Variants in AK8 observed in about 807,000 individuals in gnomAD.
AK8 encodes the protein adenylate kinase 8.
In AK8, 44 loss-of-function variants were observed where a neutral mutation model predicts 54.6. The observed-to-expected ratio is 0.81, with a 90% CI of 0.63 to 1.04. The LOEUF (loss-of-function observed/expected upper bound fraction) is 1.04, where lower values mean the gene tolerates loss of function less well. AK8 is among the 50% of genes least tolerant of loss of function. The pLI, the probability that AK8 is intolerant of heterozygous loss-of-function variation, is 0.00. For synonymous variants in AK8, 239 were observed against 245.6 expected, an observed-to-expected ratio of 0.97 and a Z score of 0.25; for missense variants, 555 against 613.6, an observed-to-expected ratio of 0.90 and a Z score of 1.01.
intron 5 of AK8, among the ~76,000 whole-genome samples, chr9:132,832,995 T>C (rs1842168984): frequency 6.6e-6 from 1 of 152,124 alleles, no homozygotes; most frequent in Non-Finnish European, 1.5e-5. Flanking sequence ...GAGGAAGCCC[T>C]CGAGCAGCAC....
rs746337998 is a variant in AK8, at chr9:132,878,112, G to A, written c.84+60C>T. 4 of 1,550,426 alleles carry A rather than the reference G, an allele frequency of 2.6e-6. No individual in the cohort carries two copies. In the South Asian group the frequency reaches 3.6e-5, roughly 14 times the overall value. The stretch of plus-strand genomic sequence containing the variant: ...TGCGGGTCCCGGCCGCGCACCCGAC[G>A]TCGCAGTGGAGGCTCCCGAGCCGCC... On this transcript the variant is annotated intron_variant, in intron 1 of 12. Transcript: ENST00000298545. This position sits in a 1 kb window ranked among gnomAD's most constrained non-coding sequence, Gnocchi z 4.7.
chr9:132,862,494 A>AT (rs1843431265), intron 4 of AK8, among the ~76,000 whole-genome samples: 1 of 151,480 alleles, frequency 6.6e-6, no homozygotes, highest in Non-Finnish European at 1.5e-5. Context: ...TGCGCACCTA[A>AT]TTTTTTTGTA....
At chr9:132,828,541 G>T in intron 6 of AK8, 104 bp downstream of exon 6, 1 of 966,254 alleles carries the variant, frequency 1.0e-6, no homozygotes. Context: ...GTCTCAGACG[G>T]TGCCTGGGCT....
intron 1 of AK8, among the ~76,000 whole-genome samples, chr9:132,876,866 C>T (rs1588250425): frequency 6.6e-6 from 1 of 151,596 alleles, no homozygotes; most frequent in African/African-American, 2.4e-5. Flanking sequence ...CAAGACCAGT[C>T]CGGGCAACAT....
At position 132,812,530 on chromosome 9, in the gene AK8, T is replaced by TACCCACTGGGATGACGGGTGAGCCGCCGC; in HGVS notation, c.979+2107_979+2108insGCGGCGGCTCACCCGTCATCCCAGTGGGT. ...CTGGGATGACAGGGGTGAGCTACCG[T>TACCCACTGGGATGACGGGTGAGCCGCCGC]GCCCACTGGGATGACGGGTGAGCCG... On this transcript the variant is annotated intron_variant, in intron 10 of 12. Coordinates refer to ENST00000298545, the MANE Select transcript of AK8 (RefSeq NM_152572.3). 2.4e-3 allele frequency among the ~76,000 whole-genome samples: 309 copies of TACCCACTGGGATGACGGGTGAGCCGCCGC among 130,738 alleles called. 10 individuals carry two copies. Among genetic ancestry groups the TACCCACTGGGATGACGGGTGAGCCGCCGC allele is most frequent in the East Asian group, 7.5e-3 (35 of 4,642 alleles). 85.8% of individuals were successfully genotyped at this position (130,738 alleles called of 152,430 possible). A position where few individuals can be genotyped will look rare whatever the true frequency, so the allele number is the denominator to read the frequency against.
intron 11 of AK8, among the ~76,000 whole-genome samples, chr9:132,744,806 GAATT>G (rs753248911): frequency 9.9e-5 from 15 of 152,160 alleles, no homozygotes; most frequent in Non-Finnish European, 1.5e-4. Flanking sequence ...AGAGCTATTA[GAATT>G]AATATTTATG....
chr9:132,776,796 C>A (rs1270680529), intron 11 of AK8, among the ~76,000 whole-genome samples: 5 of 152,342 alleles, frequency 3.3e-5, no homozygotes, highest in Non-Finnish European at 5.9e-5. Flanking sequence ...TCTCTTCCCC[C>A]AGCTTTGAAG....
chr9:132,821,805 G>GTA (rs55808936), intron 9 of AK8, among the ~76,000 whole-genome samples: 1 of 85,382 alleles, frequency 1.2e-5, no homozygotes, highest in Admixed American at 1.1e-4. Flanking sequence ...ATACATATAT[G>GTA]TGTATGTATA....
chr9:132,824,429 C>T (rs1044531284), intron 8 of AK8, among the ~76,000 whole-genome samples: 7 of 152,150 alleles, frequency 4.6e-5, no homozygotes, highest in African/African-American at 1.7e-4. Flanking sequence ...GGTGAGGGGC[C>T]AGGCCATCGT....
intron 11 of AK8, among the ~76,000 whole-genome samples, chr9:132,788,560 C>T (rs1045851471): frequency 3.9e-5 from 6 of 151,972 alleles, no homozygotes; most frequent in African/African-American, 1.5e-4. Flanking sequence ...CACATAAAGC[C>T]AAAACTGTAG....
At chr9:132,731,338 T>C (rs535869210) in intron 11 of AK8, among the ~76,000 whole-genome samples, 1 of 152,220 alleles carries the variant, frequency 6.6e-6, no homozygotes, top group Admixed American at 6.5e-5. Context: ...TCACCTTGAC[T>C]GGATGAAGGA....
Position 132,860,624 on chromosome 9 carries a change from C to G in AK8, c.333+3041G>C, listed in dbSNP as rs2131402854. On this transcript the variant is annotated intron_variant, in intron 4 of 12. Transcript: ENST00000298545. This position sits in a 1 kb window ranked among gnomAD's most constrained non-coding sequence, Gnocchi z 4.4. ...ATGTTTGGCTTTCTCTGGCTGGTCTCAGGTTGGAAGCAGGAACAAAAACTA... is the reference window on the plus strand; with the variant it reads ...ATGTTTGGCTTTCTCTGGCTGGTCTGAGGTTGGAAGCAGGAACAAAAACTA... 6.6e-6 allele frequency among the ~76,000 whole-genome samples: 1 copy of G among 152,332 alleles called. No individual in the cohort carries two copies. The highest frequency in any genetic ancestry group is 2.1e-4 in the South Asian group (1 of 4,834).
At position 132,799,343 on chromosome 9, in the gene AK8, A is replaced by G. The variant is rs148566629; in HGVS notation, c.980-6568T>C. Reference sequence around the variant, plus strand: ...AGCTCCTTCAGCCAGTGGCTTAAAGATAAAAAACATGCTAAGGTTGATTGC... The same window carrying G: ...AGCTCCTTCAGCCAGTGGCTTAAAGGTAAAAAACATGCTAAGGTTGATTGC... On this transcript the variant is annotated intron_variant, in intron 10 of 12. Transcript: ENST00000298545. The surrounding 1 kb of genome is among the most constrained non-coding windows in gnomAD (Gnocchi z 5.0). Among the ~76,000 whole-genome samples the G allele has an allele frequency of 6.7e-3, 1,017 of 152,282 alleles. 5 individuals carry two copies. The highest frequency in any genetic ancestry group is 0.019 in the African/African-American group (788 of 41,536).
At chr9:132,745,056 C>T (rs543217882) in intron 11 of AK8, among the ~76,000 whole-genome samples, 3 of 152,174 alleles carry the variant, frequency 2.0e-5, no homozygotes, top group Non-Finnish European at 4.4e-5. Context: ...CTAAACGGCC[C>T]CCACCTATTT....
intron 10 of AK8, among the ~76,000 whole-genome samples, chr9:132,808,727 A>G (rs904884174): frequency 2.6e-5 from 4 of 152,190 alleles, no homozygotes; most frequent in African/African-American, 9.6e-5. Flanking sequence ...GGGATGCACA[A>G]TAACAAAAGC....
Position 132,812,862 on chromosome 9 carries a change from ACC to A in AK8, c.979+1774_979+1775del, listed in dbSNP as rs1326355101. Among the ~76,000 whole-genome samples the A allele has an allele frequency of 3.3e-5, 5 of 150,818 alleles. 1 individual carries two copies. The East Asian group carries it at 9.8e-4, about 30-fold the overall frequency. On this transcript the variant is annotated intron_variant, in intron 10 of 12. Coordinates refer to ENST00000298545, the MANE Select transcript of AK8 (RefSeq NM_152572.3). Reference sequence around the variant, plus strand: ...GGCCACCGCAGACACCCAGGACCAGACCCACTCACTGCCCTGAGCCTACACAG... The same window carrying A: ...GGCCACCGCAGACACCCAGGACCAGACACTCACTGCCCTGAGCCTACACAG...
At chr9:132,824,508 G>A (rs1243145747) in intron 8 of AK8, among the ~76,000 whole-genome samples, 2 of 152,192 alleles carry the variant, frequency 1.3e-5, no homozygotes, top group African/African-American at 2.4e-5. Flanking sequence ...TGACATCTGG[G>A]GCCAGAAGAT....
chr9:132,819,624 G>A (rs1256781885), intron 9 of AK8, among the ~76,000 whole-genome samples: 1 of 152,100 alleles, frequency 6.6e-6, no homozygotes, highest in Non-Finnish European at 1.5e-5. Flanking sequence ...GAATCATTAA[G>A]GACATAGACG....
At chr9:132,727,693 G>A in intron 11 of AK8, 159 bp from the exon 12 acceptor site, 1 of 631,622 alleles carries the variant, frequency 1.6e-6, no homozygotes, top group Non-Finnish European at 2.8e-6. Flanking sequence ...TGCCTTTCAT[G>A]TACAACCCAA....
Sources: gnomAD v4.1 joint callset for allele counts (sites outside exome capture counted in the v4.1 genomes callset) on GRCh38, gnomAD v4.1.1 for gene constraint, Gnocchi (gnomAD v3.1) non-coding constraint, MANE v1.5 for transcripts, NCBI Gene and HGNC (gene_info 2026-07-23, HGNC 2026-07-21) for gene names.